The following TYW1B variants were observed in gnomAD, a reference collection of about 807,000 sequenced individuals.
The protein encoded by TYW1B is S-adenosyl-L-methionine-dependent tRNA 4-demethylwyosine synthase TYW1B.
Under a neutral mutation model 86.9 loss-of-function variants are expected in TYW1B, and 73 were observed. The ratio of observed to expected loss-of-function variants is 0.84; its 90% CI spans 0.70 to 1.02. The LOEUF (loss-of-function observed/expected upper bound fraction) is 1.02, where lower values mean the gene tolerates loss of function less well. TYW1B is among the 50% of genes least tolerant of loss of function. The probability of loss-of-function intolerance (pLI) is 0.00; values close to 1 mark genes in which losing one functional copy is unlikely to be tolerated. For synonymous variants in TYW1B, 248 were observed against 292.8 expected, an observed-to-expected ratio of 0.85 and a Z score of 1.56; for missense variants, 637 against 827.4, an observed-to-expected ratio of 0.77 and a Z score of 2.82.
intron 10 of TYW1B, among the ~76,000 whole-genome samples, chr7:72,703,248 T>C (rs1814533943): frequency 6.6e-6 from 1 of 150,822 alleles, no homozygotes; most frequent in African/African-American, 2.4e-5. Flanking sequence ...ATAGTCTCGA[T>C]CTCCTGACCT....
chr7:72,797,115 C>T (rs1788318398), intron 6 of TYW1B, among the ~76,000 whole-genome samples: 2 of 152,168 alleles, frequency 1.3e-5, no homozygotes, highest in African/African-American at 4.8e-5. Context: ...CCATATATAT[C>T]TGGTCTTTGA....
At chr7:72,739,798 G>A (rs1392935972) in intron 8 of TYW1B, among the ~76,000 whole-genome samples, 1 of 143,472 alleles carries the variant, frequency 7.0e-6, no homozygotes, top group African/African-American at 2.6e-5. Context: ...CTGGGATTTA[G>A]AAAGGCACAC....
At chr7:72,746,312 C>T (rs1320285722) in intron 7 of TYW1B, among the ~76,000 whole-genome samples, 1 of 152,012 alleles carries the variant, frequency 6.6e-6, no homozygotes. Flanking sequence ...CCTGTGCCTA[C>T]AAACCTCTTC....
chr7:72,609,561 C>CT (rs1811885573), intron 13 of TYW1B, among the ~76,000 whole-genome samples: 1 of 146,902 alleles, frequency 6.8e-6, no homozygotes, highest in African/African-American at 2.5e-5. Context: ...GAGACCCTGT[C>CT]TCCAAAATAA....
intron 11 of TYW1B, among the ~76,000 whole-genome samples, chr7:72,676,994 C>T (rs1813751199): frequency 6.6e-6 from 1 of 151,892 alleles, no homozygotes; most frequent in Non-Finnish European, 1.5e-5. Context: ...ACTGTTTTAA[C>T]ATCATATTCA....
intron 13 of TYW1B, among the ~76,000 whole-genome samples, chr7:72,611,580 G>C (rs1275290407): frequency 6.6e-6 from 1 of 152,142 alleles, no homozygotes; most frequent in African/African-American, 2.4e-5. Flanking sequence ...CAGCCATGTG[G>C]AACTGTGAGT....
chr7:72,652,786 T>C (rs780556606), intron 11 of TYW1B, among the ~76,000 whole-genome samples: 3 of 152,202 alleles, frequency 2.0e-5, no homozygotes, highest in Non-Finnish European at 2.9e-5. Context: ...CATGTAAGAA[T>C]GTGCAAAAAT....
At chr7:72,729,060 C>T (rs868925388) in intron 8 of TYW1B, 129 bp from the exon 9 acceptor site, 22 of 750,156 alleles carry the variant, frequency 2.9e-5, no homozygotes, top group African/African-American at 1.8e-4. Flanking sequence ...AGTTCAACCA[C>T]GTATAGTGGT....
chr7:72,653,610 A>AAATATAAT (rs1554443170), intron 11 of TYW1B, among the ~76,000 whole-genome samples: 1 of 150,510 alleles, frequency 6.6e-6, no homozygotes, highest in Non-Finnish European at 1.5e-5. Flanking sequence ...CCGTCTCAAA[A>AAATATAAT]AATAATAATA....
chr7:72,678,162 T>C (rs1415955216), intron 11 of TYW1B, among the ~76,000 whole-genome samples: 2 of 152,296 alleles, frequency 1.3e-5, no homozygotes, highest in Admixed American at 6.5e-5. Flanking sequence ...CTGAGGATAC[T>C]GCAGGGAATA....
chr7:72,727,036 A>G (rs1176561162), intron 9 of TYW1B, among the ~76,000 whole-genome samples: 1 of 152,142 alleles, frequency 6.6e-6, no homozygotes, highest in Non-Finnish European at 1.5e-5. Flanking sequence ...CCACGTTTCA[A>G]TTACCTCCAC....
intron 13 of TYW1B, 110 bp downstream of exon 13, chr7:72,616,562 C>T (rs1231669340): frequency 6.5e-7 from 1 of 1,531,968 alleles, no homozygotes; most frequent in Non-Finnish European, 8.9e-7. Flanking sequence ...GGAAAGGTAG[C>T]AAGCACGCAG....
chr7:72,594,401 C>T (rs1811478067), intron 13 of TYW1B, among the ~76,000 whole-genome samples: 1 of 148,646 alleles, frequency 6.7e-6, no homozygotes, highest in African/African-American at 2.5e-5. Context: ...AAATGGATAA[C>T]CTAGATGAAA....
intron 8 of TYW1B, among the ~76,000 whole-genome samples, chr7:72,730,650 G>A (rs1554459703): frequency 6.0e-5 from 9 of 150,768 alleles, no homozygotes; most frequent in Non-Finnish European, 1.3e-4. Flanking sequence ...AAGAAGAAGG[G>A]AGAAGGGAGA....
At chr7:72,659,478 T>A (rs1404113635) in intron 11 of TYW1B, among the ~76,000 whole-genome samples, 2 of 152,072 alleles carry the variant, frequency 1.3e-5, no homozygotes, top group Non-Finnish European at 2.9e-5. Context: ...CTAGGGAGGC[T>A]GAGGCAGGAG....
At chr7:72,603,610 G>A (rs1186899358) in intron 13 of TYW1B, among the ~76,000 whole-genome samples, 5 of 152,210 alleles carry the variant, frequency 3.3e-5, no homozygotes, top group Admixed American at 3.3e-4. Context: ...AGCAGGAGCA[G>A]AGGCAGTAAT....
chr7:72,820,641 T>C (rs1324045530), intron 2 of TYW1B, among the ~76,000 whole-genome samples: 1 of 151,864 alleles, frequency 6.6e-6, no homozygotes, highest in African/African-American at 2.4e-5. Context: ...GGTTCCAGGC[T>C]CTTCTTACCA....
intron 11 of TYW1B, among the ~76,000 whole-genome samples, chr7:72,681,591 C>CTTTTTTTTTT (rs71069098): frequency 1.8e-5 from 2 of 111,026 alleles, no homozygotes; most frequent in African/African-American, 3.4e-5. Context: ...ATATTTACTT[C>CTTTTTTTTTT]TTTTTTTTTT....
intron 8 of TYW1B, among the ~76,000 whole-genome samples, chr7:72,742,950 T>C (rs781799224): frequency 8.5e-5 from 13 of 152,226 alleles, no homozygotes; most frequent in Non-Finnish European, 1.5e-4. Flanking sequence ...CAAATGGATA[T>C]AGTGGGTTTG....
Sources: gnomAD v4.1 joint callset for allele counts (sites outside exome capture counted in the v4.1 genomes callset) on GRCh38, gnomAD v4.1.1 for gene constraint, MANE v1.5 for transcripts, NCBI Gene and HGNC (gene_info 2026-07-23, HGNC 2026-07-21) for gene names.